Variants in SRPK2 observed in about 807,000 individuals in gnomAD.
SRPK2 encodes the protein SRSF protein kinase 2, also known as SFRS protein kinase 2.
Under a neutral mutation model 90.8 loss-of-function variants are expected in SRPK2, and 21 were observed. The observed-to-expected ratio is 0.23, with a 90% CI of 0.16 to 0.33. The LOEUF (loss-of-function observed/expected upper bound fraction) is 0.33. Ranked by LOEUF, SRPK2 falls within the 10% of genes least tolerant of loss-of-function variation. The probability of loss-of-function intolerance (pLI) is 1.00; values close to 1 mark genes in which losing one functional copy is unlikely to be tolerated. For missense variants in SRPK2, 620 were observed against 869.0 expected (o/e 0.71, Z 3.60); for synonymous variants, 288 against 311.1 (o/e 0.93, Z 0.78).
intron 3 of SRPK2, among the ~76,000 whole-genome samples, chr7:105,182,112 T>C (rs1355547420): frequency 6.6e-6 from 1 of 150,418 alleles, no homozygotes. Context: ...GCACCTGTAA[T>C]CCCAGCTATT....
intron 2 of SRPK2, among the ~76,000 whole-genome samples, chr7:105,385,263 C>G (rs1291620634): frequency 2.1e-5 from 3 of 145,958 alleles, no homozygotes; most frequent in African/African-American, 7.7e-5. Flanking sequence ...TCACTGCAAG[C>G]TCCGCCTTCC....
chr7:105,335,754 G>A (rs555946458), intron 2 of SRPK2, among the ~76,000 whole-genome samples: 1 of 151,306 alleles, frequency 6.6e-6, no homozygotes, highest in African/African-American at 2.4e-5. Context: ...GGGAGTTCAA[G>A]ACCAGGCTGA....
At chr7:105,387,347 T>C (rs928269342) in intron 2 of SRPK2, among the ~76,000 whole-genome samples, 2 of 152,172 alleles carry the variant, frequency 1.3e-5, no homozygotes, top group Admixed American at 6.5e-5. Flanking sequence ...AAATTTAAGG[T>C]TGTAATTCAC....
intron 2 of SRPK2, among the ~76,000 whole-genome samples, chr7:105,247,927 A>T (rs1308225421): frequency 6.7e-6 from 1 of 149,928 alleles, no homozygotes; most frequent in African/African-American, 2.5e-5. Context: ...CTGGAGTGCA[A>T]TGGTGCAACC....
chr7:105,229,681 T>C (rs1172225075), intron 2 of SRPK2, among the ~76,000 whole-genome samples: 1 of 152,160 alleles, frequency 6.6e-6, no homozygotes, highest in Non-Finnish European at 1.5e-5. Context: ...AAGTCTTGGT[T>C]AGACTATTCC....
At chr7:105,371,332 T>C (rs1157372715) in intron 2 of SRPK2, among the ~76,000 whole-genome samples, 1 of 152,108 alleles carries the variant, frequency 6.6e-6, no homozygotes, top group Non-Finnish European at 1.5e-5. Context: ...AAGTTAGTCA[T>C]TAAATTCTGA....
At chr7:105,311,921 G>A (rs570691372) in intron 2 of SRPK2, among the ~76,000 whole-genome samples, 2 of 152,150 alleles carry the variant, frequency 1.3e-5, no homozygotes, top group African/African-American at 4.8e-5. Context: ...TGTTGGTATA[G>A]TTCTATTCAT....
rs889338218 is a variant in SRPK2 at position 105,117,213 on chromosome 7, T to C, written c.*625A>G. On this transcript the variant is annotated 3_prime_UTR_variant, in exon 16 of 16. Transcript: ENST00000393651. ...AAAATCCAATGTGAAAAGACTGTTA[T>C]GGAATGAAAAGTTTGCACAACTCCT... The C allele has an allele frequency of 1.7e-4, 26 of 152,428 alleles. No individual in the cohort carries two copies. Among genetic ancestry groups the C allele is most frequent in the Admixed American group, 1.2e-3 (18 of 15,278 alleles). The allele number at this position is 152,428 out of a possible 1,614,324, so 9.4% of individuals were successfully genotyped here.
intron 3 of SRPK2, among the ~76,000 whole-genome samples, chr7:105,200,747 T>C (rs560170072): frequency 6.6e-6 from 1 of 152,126 alleles, no homozygotes; most frequent in Non-Finnish European, 1.5e-5. Flanking sequence ...AAACATTATA[T>C]AAAATAACCG....
chr7:105,199,025 A>T (rs530758836), intron 3 of SRPK2, among the ~76,000 whole-genome samples: 1 of 152,362 alleles, frequency 6.6e-6, no homozygotes, highest in Non-Finnish European at 1.5e-5. Context: ...ACACAAGAGC[A>T]ATGAACAATG....
chr7:105,192,802 T>C (rs1315927496), intron 3 of SRPK2, among the ~76,000 whole-genome samples: 1 of 152,220 alleles, frequency 6.6e-6, no homozygotes, highest in Non-Finnish European at 1.5e-5. Context: ...TCATTAGTGA[T>C]GTTGAGCATT....
intron 2 of SRPK2, among the ~76,000 whole-genome samples, chr7:105,324,716 G>A (rs939593458): frequency 3.3e-5 from 5 of 151,922 alleles, no homozygotes; most frequent in Admixed American, 1.3e-4. Flanking sequence ...GCAAAACCCC[G>A]TCTCTACTAA....
chr7:105,163,864 C>T (rs1808096677), intron 6 of SRPK2, among the ~76,000 whole-genome samples: 2 of 152,046 alleles, frequency 1.3e-5, no homozygotes, highest in Non-Finnish European at 2.9e-5. Flanking sequence ...ACAGCACAAA[C>T]AACAGCCAAC....
chr7:105,332,600 C>A (rs1283732345), intron 2 of SRPK2, among the ~76,000 whole-genome samples: 2 of 151,798 alleles, frequency 1.3e-5, no homozygotes, highest in Non-Finnish European at 2.9e-5. Context: ...CCTATCTGTA[C>A]TAAAAATACA....
chr7:105,151,482 C>T (rs924286798), intron 7 of SRPK2, among the ~76,000 whole-genome samples: 1 of 152,208 alleles, frequency 6.6e-6, no homozygotes, highest in Non-Finnish European at 1.5e-5. Context: ...GTATCTAAGT[C>T]AGAAGACTTG....
At chr7:105,292,457 G>A (rs1248254599) in intron 2 of SRPK2, among the ~76,000 whole-genome samples, 2 of 124,622 alleles carry the variant, frequency 1.6e-5, no homozygotes, top group African/African-American at 6.0e-5. Flanking sequence ...GCAGTGAGAC[G>A]TGCCACTACA....
chr7:105,253,192 C>G (rs1802728704), intron 2 of SRPK2, among the ~76,000 whole-genome samples: 1 of 152,096 alleles, frequency 6.6e-6, no homozygotes. Flanking sequence ...TTTAATACCC[C>G]CAGTGTCAAG....
intron 2 of SRPK2, among the ~76,000 whole-genome samples, chr7:105,296,817 T>C (rs1478252110): frequency 1.3e-5 from 2 of 152,168 alleles, no homozygotes; most frequent in African/African-American, 2.4e-5. Flanking sequence ...AAACCCTCCA[T>C]GGAGTAGACA....
At chr7:105,202,538 A>C (rs1182232406) in intron 3 of SRPK2, among the ~76,000 whole-genome samples, 1 of 152,208 alleles carries the variant, frequency 6.6e-6, no homozygotes, top group Non-Finnish European at 1.5e-5. Flanking sequence ...CTAGATTCTC[A>C]GTTGGGTCCA....
Sources: allele counts gnomAD v4.1 joint callset (sites outside exome capture counted in the v4.1 genomes callset), GRCh38; gene constraint gnomAD v4.1.1; transcripts MANE v1.5; gene names NCBI Gene and HGNC (gene_info 2026-07-23, HGNC 2026-07-21).